Variants in HDAC5 observed in about 807,000 individuals in gnomAD.
HDAC5 encodes the protein antigen NY-CO-9.
A neutral mutation model predicts 133.3 loss-of-function variants in HDAC5; 25 were observed. That is an observed-to-expected ratio of 0.19 (90% CI 0.14 to 0.26). HDAC5 has a LOEUF of 0.26. HDAC5 is among the 10% of genes least tolerant of loss of function. The pLI, the probability that HDAC5 is intolerant of heterozygous loss-of-function variation, is 1.00. For synonymous variants in HDAC5, 589 were observed against 610.8 expected, an observed-to-expected ratio of 0.96 and a Z score of 0.53; for missense variants, 1,041 against 1,460.5, an observed-to-expected ratio of 0.71 and a Z score of 4.68.
intron 14 of HDAC5, among the ~76,000 whole-genome samples, chr17:44,085,790 C>T (rs2050619822): frequency 6.6e-6 from 1 of 152,162 alleles, no homozygotes; most frequent in African/African-American, 2.4e-5. Flanking sequence ...GCGTGAGCCA[C>T]TGCACCCAAC....
chr17:44,082,490 G>A (rs2050441542), intron 20 of HDAC5, 95 bp downstream of exon 20: 1 of 958,386 alleles, frequency 1.0e-6, no homozygotes, highest in Non-Finnish European at 1.7e-6. Flanking sequence ...CGACTGGGGT[G>A]CTTGAAGGTG....
At chr17:44,095,280 G>A (rs1039133985) in intron 3 of HDAC5, among the ~76,000 whole-genome samples, 6 of 152,156 alleles carry the variant, frequency 3.9e-5, no homozygotes, top group African/African-American at 1.4e-4. Context: ...TAGAATATGA[G>A]TCCAAATCCT....
intron 3 of HDAC5, among the ~76,000 whole-genome samples, chr17:44,095,055 A>T (rs1055553264): frequency 6.6e-6 from 1 of 152,156 alleles, no homozygotes; most frequent in African/African-American, 2.4e-5. Context: ...TCAGCCTCCC[A>T]AAGTGCTGGG....
Position 44,078,139 on chromosome 17 carries a change from G to T in HDAC5, c.*237C>A, listed in dbSNP as rs399427. On this transcript the variant is annotated 3_prime_UTR_variant, in exon 27 of 27. Coordinates refer to ENST00000682912, the MANE Select transcript of HDAC5 (RefSeq NM_005474.5). ...GACAGACAGAATGCAGGAAAATGGG[G>T]GGAGGGACACATGGGACAGGGCTGG... The T allele has an allele frequency of 0.99, 409,347 of 411,738 alleles. 203,512 individuals carry two copies. The highest frequency in any genetic ancestry group is 1 in the East Asian group (27,429 of 27,430). The allele number at this position is 411,738 out of a possible 1,614,324, so 25.5% of individuals were successfully genotyped here. A position where few individuals can be genotyped will look rare whatever the true frequency, so the allele number is the denominator to read the frequency against.
At chr17:44,093,032 T>C in intron 6 of HDAC5, 60 bp downstream of exon 6, 2 of 1,271,960 alleles carry the variant, frequency 1.6e-6, no homozygotes, top group South Asian at 2.8e-5. Flanking sequence ...TGCCATCCTA[T>C]AGCCAGGCAG....
intron 11 of HDAC5, among the ~76,000 whole-genome samples, chr17:44,089,371 G>A (rs539751811): frequency 6.6e-6 from 1 of 152,224 alleles, no homozygotes; most frequent in African/African-American, 2.4e-5. Context: ...CGCTTTGGGA[G>A]GCCAAGGCAG....
At chr17:44,114,445 G>T (rs1000171406) in intron 2 of HDAC5, among the ~76,000 whole-genome samples, 14 of 152,328 alleles carry the variant, frequency 9.2e-5, no homozygotes, top group East Asian at 7.7e-4. Context: ...CGTGGGGGGG[G>T]GGGGCTGCTG....
intron 3 of HDAC5, among the ~76,000 whole-genome samples, chr17:44,109,996 G>A (rs1337197835): frequency 1.3e-5 from 2 of 152,244 alleles, no homozygotes; most frequent in African/African-American, 4.8e-5. Context: ...CCCTAGCCAA[G>A]AGCCAAAAAA....
At chr17:44,116,047 G>C (rs1474594197) in intron 2 of HDAC5, 1 of 152,226 alleles carries the variant, frequency 6.6e-6, no homozygotes, top group African/African-American at 2.4e-5. Flanking sequence ...TTCCCTGCAA[G>C]GGAAAGAAAC....
In HDAC5 at chr17:44,091,768, A is replaced by G; in HGVS notation, c.1096T>C (p.Ser366Pro). The part of the protein sequence containing the change: ...SSPNQFSLYT[S>P]PSLPNISLGL... ...AGGGAGATGTTGGGCAGAGAAGGAGACGTGTAGAGGCTGAACTGGTTGGGG... is the reference window on the plus strand; with the variant it reads ...AGGGAGATGTTGGGCAGAGAAGGAGGCGTGTAGAGGCTGAACTGGTTGGGG... The change falls in exon 10 of 27, where the codon TCT (serine) becomes CCT (proline). Residue 366 changes from serine (S) to proline (P), a missense_variant. Transcript: ENST00000682912. 1 of 1,602,352 alleles carries G rather than the reference A, an allele frequency of 6.2e-7. No homozygotes were observed. Among genetic ancestry groups the G allele is most frequent in the Non-Finnish European group, 8.5e-7 (1 of 1,174,386 alleles).
chr17:44,079,317 A>C (rs1376100688), intron 23 of HDAC5, 40 bp from the exon 24 acceptor site: 1 of 1,600,314 alleles, frequency 6.2e-7, no homozygotes, highest in Non-Finnish European at 8.5e-7. Context: ...AAATGGCGAA[A>C]GGTAATCAAT....
Position 44,106,030 on chromosome 17 carries a change from C to T in HDAC5, c.94+4699G>A, listed in dbSNP as rs892318809. On this transcript the variant is annotated intron_variant, in intron 3 of 26. Coordinates refer to ENST00000682912, the MANE Select transcript of HDAC5 (RefSeq NM_005474.5). ...TACGCTCCCTTGGTTAATTCTGATG[C>T]GACCAAAAGTTTGAGAACCACTGCC... is the stretch of plus-strand genomic sequence containing the variant. Among the ~76,000 whole-genome samples the T allele has an allele frequency of 4.6e-5, 7 of 152,308 alleles. 1 individual carries two copies. The highest frequency in any genetic ancestry group is 3.3e-4 in the Admixed American group (5 of 15,304).
At position 44,078,628 on chromosome 17, in the gene HDAC5, A is replaced by G. The variant is rs758723547; in HGVS notation, c.3201T>C (p.Gly1067=). The G allele has an allele frequency of 6.2e-7, 1 of 1,606,472 alleles. No homozygotes were observed. The highest frequency in any genetic ancestry group is 8.5e-7 in the Non-Finnish European group (1 of 1,179,662). Residue 1067 remains glycine (G), a synonymous_variant, in exon 26 of 27, where the codon GGT becomes GGC. Transcript: ENST00000682912. The part of the protein sequence containing the change: ...HWSCVQKFAA[G]LGRSLREAQA... ...GGGCCTCTCGCAGGGACCGGCCCAG[A>G]CCAGCGGCGAACTTCTGCACACAGC...
intron 4 of HDAC5, 38 bp from the exon 5 acceptor site, chr17:44,093,523 G>GC: frequency 6.3e-7 from 1 of 1,598,500 alleles, no homozygotes. Flanking sequence ...AGTGAGCCAG[G>GC]CCCGGGCGGG....
chr17:44,094,371 C>G (rs993534519), intron 3 of HDAC5, among the ~76,000 whole-genome samples: 4 of 151,222 alleles, frequency 2.6e-5, no homozygotes, highest in Non-Finnish European at 5.9e-5. Flanking sequence ...GGCGCGGTGG[C>G]TCTTGCCTGT....
chr17:44,109,134 C>A (rs1243486750), intron 3 of HDAC5, among the ~76,000 whole-genome samples: 1 of 152,202 alleles, frequency 6.6e-6, no homozygotes, highest in Non-Finnish European at 1.5e-5. Flanking sequence ...CTGCTGGCTG[C>A]TGCTGGTAGC....
chr17:44,111,783 C>T (rs2052362933), intron 2 of HDAC5: 4 of 452,830 alleles, frequency 8.8e-6, no homozygotes, highest in Non-Finnish European at 1.3e-5. Flanking sequence ...TCTGGAGTGT[C>T]GCCTCCAGAG....
At chr17:44,095,420 G>A (rs750017114) in intron 3 of HDAC5, among the ~76,000 whole-genome samples, 2 of 152,140 alleles carry the variant, frequency 1.3e-5, no homozygotes, top group Non-Finnish European at 2.9e-5. Flanking sequence ...CCCCAGGAGA[G>A]GCTGGTGGAG....
chr17:44,085,543 T>G (rs1459836171), intron 14 of HDAC5, among the ~76,000 whole-genome samples: 1 of 152,036 alleles, frequency 6.6e-6, no homozygotes, highest in African/African-American at 2.4e-5. Flanking sequence ...AGTCTCGCTC[T>G]GTCGGCCAGG....
Sources: allele counts gnomAD v4.1 joint callset (sites outside exome capture counted in the v4.1 genomes callset), GRCh38; gene constraint gnomAD v4.1.1; transcripts MANE v1.5; gene names NCBI Gene and HGNC (gene_info 2026-07-23, HGNC 2026-07-21).